Variants in CSMD3 observed in about 807,000 individuals in gnomAD.
CSMD3 encodes the protein CUB and sushi domain-containing protein 3.
In CSMD3, 177 loss-of-function variants were observed where a neutral mutation model predicts 435.2. The observed-to-expected ratio is 0.41, with a 90% CI of 0.36 to 0.46. The LOEUF (loss-of-function observed/expected upper bound fraction) is 0.46. Ranked by LOEUF, CSMD3 falls within the 20% of genes least tolerant of loss-of-function variation. The probability of loss-of-function intolerance (pLI) is 0.34; values close to 1 mark genes in which losing one functional copy is unlikely to be tolerated. For synonymous variants in CSMD3, 1,656 were observed against 1,520.5 expected (o/e 1.09, Z -2.07); for missense variants, 4,265 against 4,504.6 (o/e 0.95, Z 1.52).
At chr8:113,228,872 T>G (rs892751741) in intron 3 of CSMD3, among the ~76,000 whole-genome samples, 1 of 151,574 alleles carries the variant, frequency 6.6e-6, no homozygotes, top group Non-Finnish European at 1.5e-5. Flanking sequence ...CTGACGTGTA[T>G]AAGGCCTCAA....
At chr8:113,034,753 A>G (rs2087268145) in intron 5 of CSMD3, among the ~76,000 whole-genome samples, 1 of 152,164 alleles carries the variant, frequency 6.6e-6, no homozygotes. Flanking sequence ...AGAATATACC[A>G]TGCAAATATT....
chr8:112,979,937 AT>A (rs1212178739), intron 6 of CSMD3, among the ~76,000 whole-genome samples: 1 of 151,108 alleles, frequency 6.6e-6, no homozygotes, highest in Non-Finnish European at 1.5e-5. Context: ...AATGATTTAC[AT>A]ATATAAACAT....
intron 6 of CSMD3, among the ~76,000 whole-genome samples, chr8:113,010,238 G>T (rs574769391): frequency 6.6e-6 from 1 of 151,714 alleles, no homozygotes; most frequent in Non-Finnish European, 1.5e-5. Flanking sequence ...ATATTCACTA[G>T]TTGGGTGCAT....
At position 113,173,877 on chromosome 8, in the gene CSMD3, G is replaced by A. The variant is rs2092308223; in HGVS notation, c.554C>T (p.Pro185Leu). The A allele has an allele frequency of 6.2e-7, 1 of 1,613,482 alleles. No individual in the cohort carries two copies. Among genetic ancestry groups the A allele is most frequent in the African/African-American group, 1.3e-5 (1 of 74,818 alleles). Residue 185 changes from proline (P) to leucine (L), a missense_variant, in exon 4 of 71, where the codon CCC becomes CTC. Around this residue, in one of 3 missense-constraint regions of CSMD3, gnomAD observed 731 missense variants for 755.4 expected, o/e 0.97. Coordinates refer to ENST00000297405, the MANE Select transcript of CSMD3 (RefSeq NM_198123.2). ...TCTTGTGCCATATAATACACCTTTG[G>A]GTGGAACACCAGGATTTCCACAAGA... ...SSSCGNPGVP[P>L]KGVLYGTRFD...
chr8:112,468,015 C>T (rs1818128564), intron 32 of CSMD3, among the ~76,000 whole-genome samples: 1 of 152,052 alleles, frequency 6.6e-6, no homozygotes, highest in Admixed American at 6.6e-5. Context: ...TCCTCTTTTA[C>T]AGATAATTCC....
intron 22 of CSMD3, among the ~76,000 whole-genome samples, chr8:112,620,394 T>C (rs1247878396): frequency 1.3e-5 from 2 of 152,118 alleles, no homozygotes; most frequent in Non-Finnish European, 2.9e-5. Context: ...GAGTGAAATA[T>C]CTGATGTCTG....
At chr8:112,322,679 C>G (rs184357504) in intron 45 of CSMD3, among the ~76,000 whole-genome samples, 1 of 152,026 alleles carries the variant, frequency 6.6e-6, no homozygotes, top group Non-Finnish European at 1.5e-5. Context: ...GGCTAAACAT[C>G]TCTTCTGACC....
At chr8:112,475,166 T>G (rs548483420) in intron 31 of CSMD3, among the ~76,000 whole-genome samples, 2 of 152,290 alleles carry the variant, frequency 1.3e-5, no homozygotes, top group Non-Finnish European at 2.9e-5. Flanking sequence ...ATTTTTATAT[T>G]TGGGAAGTAT....
intron 13 of CSMD3, among the ~76,000 whole-genome samples, chr8:112,718,309 T>C (rs2076779526): frequency 6.6e-6 from 1 of 152,010 alleles, no homozygotes; most frequent in Non-Finnish European, 1.5e-5. Context: ...ATGAGTACTT[T>C]ATTCTTGAGA....
At chr8:112,584,930 C>A (rs1272758652) in intron 23 of CSMD3, among the ~76,000 whole-genome samples, 1 of 151,610 alleles carries the variant, frequency 6.6e-6, no homozygotes, top group Non-Finnish European at 1.5e-5. Context: ...TGACTTTAGG[C>A]TCTACAATTT....
chr8:113,048,583 A>C (rs2087944465), intron 5 of CSMD3, among the ~76,000 whole-genome samples: 1 of 151,840 alleles, frequency 6.6e-6, no homozygotes, highest in Non-Finnish European at 1.5e-5. Context: ...AAGAAAGATT[A>C]CATTTGAATA....
At chr8:112,596,572 A>G (rs998024389) in intron 22 of CSMD3, among the ~76,000 whole-genome samples, 2 of 152,178 alleles carry the variant, frequency 1.3e-5, no homozygotes, top group Non-Finnish European at 2.9e-5. Context: ...CATTTTTTTC[A>G]GCACCACACC....
intron 10 of CSMD3, among the ~76,000 whole-genome samples, chr8:112,879,576 T>C (rs1369988804): frequency 6.6e-6 from 1 of 152,060 alleles, no homozygotes; most frequent in Admixed American, 6.6e-5. Context: ...TTGAACTCCA[T>C]AATAAAAACT....
intron 32 of CSMD3, among the ~76,000 whole-genome samples, chr8:112,423,586 A>T (rs1229313023): frequency 6.6e-6 from 1 of 152,134 alleles, no homozygotes; most frequent in Non-Finnish European, 1.5e-5. Flanking sequence ...AGTAGCTGGG[A>T]CCATATGCCA....
rs1355920540 is a variant in CSMD3 at position 113,098,860 on chromosome 8, A to C, written c.813T>G (p.Ile271Met). Reference sequence around the variant, plus strand: ...AAATTGTGTCCCCAGGCTCTGCTACAATGGTCCAAGTGCAATCAGCATTGT... The same window carrying C: ...AAATTGTGTCCCCAGGCTCTGCTACCATGGTCCAAGTGCAATCAGCATTGT... ...YHNNADCTWT[I>M]VAEPGDTISL... is the part of the protein sequence containing the mutation. Residue 271 changes from isoleucine (I) to methionine (M), a missense_variant, in exon 5 of 71, where the codon ATT (isoleucine) becomes ATG (methionine). By Grantham distance (10) the Ile-to-Met change is conservative. Coordinates refer to ENST00000297405, the MANE Select transcript of CSMD3 (RefSeq NM_198123.2). 1 of 1,612,316 alleles carries C rather than the reference A, an allele frequency of 6.2e-7. No individual in the cohort carries two copies. Among genetic ancestry groups the C allele is most frequent in the South Asian group, 1.1e-5 (1 of 91,050 alleles).
intron 1 of CSMD3, among the ~76,000 whole-genome samples, chr8:113,343,557 A>G (rs2094133819): frequency 6.6e-6 from 1 of 152,138 alleles, no homozygotes; most frequent in Non-Finnish European, 1.5e-5. Flanking sequence ...ATACAGAAGA[A>G]CTATCGTACA....
intron 5 of CSMD3, among the ~76,000 whole-genome samples, chr8:113,073,474 C>A (rs935212322): frequency 1.3e-5 from 2 of 151,828 alleles, no homozygotes; most frequent in African/African-American, 4.8e-5. Flanking sequence ...TCCTATAAGG[C>A]AACCCCCTGC....
intron 1 of CSMD3, among the ~76,000 whole-genome samples, chr8:113,430,635 A>G (rs1469356117): frequency 3.3e-5 from 5 of 152,186 alleles, no homozygotes. Context: ...TTATTGCTAA[A>G]AAGTTTTTAG....
chr8:113,404,413 G>T (rs1384870542), intron 1 of CSMD3, among the ~76,000 whole-genome samples: 1 of 151,254 alleles, frequency 6.6e-6, no homozygotes, highest in Non-Finnish European at 1.5e-5. Context: ...CCAGTTACAA[G>T]AGAATTCGAC....
Sources: allele counts gnomAD v4.1 joint callset (sites outside exome capture counted in the v4.1 genomes callset), GRCh38; gene constraint gnomAD v4.1.1; regional missense constraint gnomAD v4.1.1; transcripts MANE v1.5; gene names NCBI Gene and HGNC (gene_info 2026-07-23, HGNC 2026-07-21).